Variants in MACC1 observed in about 807,000 individuals in gnomAD.
MACC1 encodes the protein metastasis-associated in colon cancer protein 1.
Under a neutral mutation model 70.7 loss-of-function variants are expected in MACC1, and 79 were observed. The ratio of observed to expected loss-of-function variants is 1.12; its 90% CI spans 0.93 to 1.35. The LOEUF (loss-of-function observed/expected upper bound fraction) is 1.35, where lower values mean the gene tolerates loss of function less well. MACC1 is among the 40% of genes most tolerant of loss of function. The pLI, the probability that MACC1 is intolerant of heterozygous loss-of-function variation, is 0.00. For missense variants in MACC1, 1,106 were observed against 978.1 expected (o/e 1.13, Z -1.74); for synonymous variants, 361 against 347.2 (o/e 1.04, Z -0.44).
rs964908877 is a variant in MACC1 at position 20,135,983 on chromosome 7, G to A, written c.*4963C>T. On this transcript the variant is annotated 3_prime_UTR_variant, in exon 7 of 7. Coordinates refer to ENST00000400331, the MANE Select transcript of MACC1 (RefSeq NM_182762.4). ...ACATAGAGGACACAATTTTAATGTG[G>A]ATAATTGGTATTCAAATTATTACTC... 1 of 152,156 alleles carries A rather than the reference G, an allele frequency of 6.6e-6. No homozygotes were observed. Among genetic ancestry groups the A allele is most frequent in the South Asian group, 2.1e-4 (1 of 4,828 alleles). The allele number at this position is 152,156 out of a possible 1,614,324, so 9.4% of individuals were successfully genotyped here.
At position 20,154,268 on chromosome 7, in the gene MACC1, T is replaced by C. The variant is rs758362610; in HGVS notation, c.2271A>G (p.Leu757=). 1.2e-6 allele frequency: 2 copies of C among 1,614,014 alleles called. No individual in the cohort carries two copies. Among genetic ancestry groups the C allele is most frequent in the South Asian group, 2.2e-5 (2 of 91,082 alleles). The part of the protein sequence containing the change: ...GKGWRELAEK[L]VRLTKQQMEA... ...CCATTTGTTGCTTTGTGAGTCGTAC[T>C]AACTTTTCAGCTAGTTCCCTCCAGC... Residue 757 remains leucine (L), a synonymous_variant, in exon 6 of 7, where the codon TTA becomes TTG. Coordinates refer to ENST00000400331, the MANE Select transcript of MACC1 (RefSeq NM_182762.4).
At chr7:20,212,211 A>G (rs1180046632) in intron 1 of MACC1, among the ~76,000 whole-genome samples, 1 of 152,194 alleles carries the variant, frequency 6.6e-6, no homozygotes, top group Non-Finnish European at 1.5e-5. Flanking sequence ...AGTCTTTGCA[A>G]TATCTATCTT....
intron 1 of MACC1, among the ~76,000 whole-genome samples, chr7:20,193,517 T>C (rs751676077): frequency 6.6e-6 from 1 of 152,216 alleles, no homozygotes; most frequent in Non-Finnish European, 1.5e-5. Context: ...TGTTTTTCAA[T>C]TCTCATTTCT....
At chr7:20,191,468 G>A (rs1782671373) in intron 1 of MACC1, among the ~76,000 whole-genome samples, 1 of 132,308 alleles carries the variant, frequency 7.6e-6, no homozygotes, top group African/African-American at 3.0e-5. Flanking sequence ...GCTGGCGTTG[G>A]AACTGATGAG....
At chr7:20,170,201 C>A (rs1213224146) in intron 2 of MACC1, 1 of 152,206 alleles carries the variant, frequency 6.6e-6, no homozygotes, top group Admixed American at 6.5e-5. Flanking sequence ...GGTCTGAGCA[C>A]CATTTCCTCA....
In MACC1 at chr7:20,140,805, A is replaced by G. The variant is rs1781785881; in HGVS notation, c.*141T>C. The G allele has an allele frequency of 1.6e-5, 3 of 188,870 alleles. No individual in the cohort carries two copies. Among genetic ancestry groups the G allele is most frequent in the African/African-American group, 1.2e-4 (2 of 17,236 alleles). 11.7% of individuals were successfully genotyped at this position (188,870 alleles called of 1,614,324 possible). ...TTTTCTGAGATTCTTTCTTTCCTAC[A>G]CACACACACACACACACACAGACAC... On this transcript the variant is annotated 3_prime_UTR_variant, in exon 7 of 7. Transcript: ENST00000400331.
Position 20,159,466 on chromosome 7 carries a change from C to G in MACC1, c.895G>C (p.Asp299His). ...EMKIGAEVRKDPFSQVMTEMV... is the reference protein window; with the variant it reads ...EMKIGAEVRKHPFSQVMTEMV... ...TCTGTCATGACTTGGCTGAAAGGATCCTTTCTTACTTCAGCCCCAATTTTC... is the reference window on the plus strand; with the variant it reads ...TCTGTCATGACTTGGCTGAAAGGATGCTTTCTTACTTCAGCCCCAATTTTC... The change falls in exon 5 of 7, where the codon GAT (aspartate) becomes CAT (histidine). Residue 299 changes from aspartate (D) to histidine (H), a missense_variant. By Grantham distance (81) the Asp-to-His change is moderately conservative. Transcript: ENST00000400331. 1 of 1,614,024 alleles carries G rather than the reference C, an allele frequency of 6.2e-7. No individual in the cohort carries two copies.
chr7:20,200,234 T>C (rs954779588), intron 1 of MACC1, among the ~76,000 whole-genome samples: 1 of 142,842 alleles, frequency 7.0e-6, no homozygotes, highest in African/African-American at 2.6e-5. Context: ...ATTACTAGAT[T>C]ACTAGATTTA....
chr7:20,209,149 G>C (rs978779729), intron 1 of MACC1, among the ~76,000 whole-genome samples: 4 of 152,240 alleles, frequency 2.6e-5, no homozygotes, highest in Non-Finnish European at 5.9e-5. Flanking sequence ...GGGAAGAAGG[G>C]AAATGTGGGA....
chr7:20,214,096 C>T (rs1783035650), intron 1 of MACC1, among the ~76,000 whole-genome samples: 3 of 152,172 alleles, frequency 2.0e-5, no homozygotes, highest in Middle Eastern at 3.4e-3. Flanking sequence ...CTCCTGGTGT[C>T]ATATTCCCTA....
At chr7:20,205,115 G>T (rs1050822261) in intron 1 of MACC1, among the ~76,000 whole-genome samples, 1 of 152,004 alleles carries the variant, frequency 6.6e-6, no homozygotes. Flanking sequence ...AACATGAAGA[G>T]AAAGTCTCAT....
chr7:20,168,278 T>A (rs200822116), intron 2 of MACC1, among the ~76,000 whole-genome samples: 3 of 151,542 alleles, frequency 2.0e-5, no homozygotes, highest in Admixed American at 1.3e-4. Context: ...AAAAAAAATT[T>A]AAAAACAAAA....
rs1358725484 is a variant in MACC1, at chr7:20,159,071, T to C, written c.1290A>G (p.Pro430=). The C allele has an allele frequency of 1.2e-6, 2 of 1,613,296 alleles. No homozygotes were observed. The highest frequency in any genetic ancestry group is 8.5e-7 in the Non-Finnish European group (1 of 1,179,932). Residue 430 remains proline (P), a synonymous_variant, in exon 5 of 7, where the codon CCA becomes CCG. Transcript: ENST00000400331. The part of the protein sequence containing the change: ...WGKQSFLLDK[P]QDLSISIFSC... The stretch of plus-strand genomic sequence containing the variant: ...AAAAAATAGAAATACTTAAATCTTG[T>C]GGCTTGTCAAGTAAAAATGACTGCT...
intron 6 of MACC1, among the ~76,000 whole-genome samples, chr7:20,152,091 G>A (rs1052619776): frequency 6.6e-6 from 1 of 152,174 alleles, no homozygotes; most frequent in Admixed American, 6.5e-5. Flanking sequence ...CACGGAGTCA[G>A]TGCCAGATAA....
At chr7:20,200,021 TTA>T (rs1440557826) in intron 1 of MACC1, among the ~76,000 whole-genome samples, 2 of 148,974 alleles carry the variant, frequency 1.3e-5, no homozygotes, top group South Asian at 2.1e-4. Flanking sequence ...GGCTATACCA[TTA>T]TGTGTGTGTG....
Position 20,159,545 on chromosome 7 carries a change from C to T in MACC1, c.816G>A (p.Leu272=), listed in dbSNP as rs146208690. 6 of 1,614,026 alleles carry T rather than the reference C, an allele frequency of 3.7e-6. No individual in the cohort carries two copies. The African/African-American group carries it at 8.0e-5, about 22-fold the overall frequency. Residue 272 remains leucine (L), a synonymous_variant, in exon 5 of 7, where the codon TTG becomes TTA. Coordinates refer to ENST00000400331, the MANE Select transcript of MACC1 (RefSeq NM_182762.4). ...TGAGGTTGCCTAACATGATTTCCAA[C>T]AACGGGCTCACAGTGCACGAAAGAT... ...NHDLSCTVSP[L]LEIMLGNLNT...
intron 1 of MACC1, among the ~76,000 whole-genome samples, chr7:20,213,713 C>T (rs1182514221): frequency 6.6e-6 from 1 of 152,054 alleles, no homozygotes; most frequent in African/African-American, 2.4e-5. Flanking sequence ...GATGAGAACA[C>T]ATGGACACAT....
In MACC1 at chr7:20,157,027, C is replaced by A. The variant is rs369293463; in HGVS notation, c.2157+1177G>T. ...GTTTCATGAAGGCATAGTGGCTTTA[C>A]GCATGATTTTGAAACCAAAAAATAT... is the stretch of plus-strand genomic sequence containing the variant. On this transcript the variant is annotated intron_variant, in intron 5 of 6. Coordinates refer to ENST00000400331, the MANE Select transcript of MACC1 (RefSeq NM_182762.4). Among the ~76,000 whole-genome samples, 12 of 152,198 alleles carry A rather than the reference C, an allele frequency of 7.9e-5. No individual in the cohort carries two copies. In the East Asian group the frequency reaches 1.9e-3, roughly 24 times the overall value.
At chr7:20,192,200 T>G (rs1782682293) in intron 1 of MACC1, among the ~76,000 whole-genome samples, 2 of 152,310 alleles carry the variant, frequency 1.3e-5, no homozygotes, top group South Asian at 4.1e-4. Flanking sequence ...TCTTTATTAT[T>G]CTTTCAAATT....
Sources: gnomAD v4.1 joint callset for allele counts (sites outside exome capture counted in the v4.1 genomes callset) on GRCh38, gnomAD v4.1.1 for gene constraint, MANE v1.5 for transcripts, NCBI Gene and HGNC (gene_info 2026-07-23, HGNC 2026-07-21) for gene names.